The following SEMA3A variants were observed in gnomAD, a reference collection of about 807,000 sequenced individuals.
The protein encoded by SEMA3A is semaphorin 3A.
Under a neutral mutation model 97.9 loss-of-function variants are expected in SEMA3A, and 29 were observed. The observed-to-expected ratio is 0.30, with a 90% confidence interval of 0.22 to 0.40. SEMA3A has a LOEUF of 0.40. Among genes scored for constraint, SEMA3A ranks in the 10% least tolerant of loss-of-function variants. SEMA3A has a pLI of 1.00. For synonymous variants in SEMA3A, 321 were observed against 323.7 expected, an observed-to-expected ratio of 0.99 and a Z score of 0.09; for missense variants, 763 against 951.3, an observed-to-expected ratio of 0.80 and a Z score of 2.60.
chr7:84,167,646 T>C (rs1797254292), intron 1 of SEMA3A, among the ~76,000 whole-genome samples: 1 of 152,126 alleles, frequency 6.6e-6, no homozygotes, highest in African/African-American at 2.4e-5. Context: ...TGGTAAGTGG[T>C]GTTAATAAAA....
intron 6 of SEMA3A, among the ~76,000 whole-genome samples, chr7:84,026,645 T>G (rs1400388712): frequency 6.6e-6 from 1 of 152,174 alleles, no homozygotes; most frequent in Non-Finnish European, 1.5e-5. Flanking sequence ...TTAGTGCATG[T>G]ACACCATGGA....
chr7:84,412,404 T>C (rs796192597), intron 1 of SEMA3A, among the ~76,000 whole-genome samples: 4 of 152,314 alleles, frequency 2.6e-5, no homozygotes, highest in African/African-American at 9.6e-5. Context: ...TGGAATTTGA[T>C]ACTTAGTCAC....
chr7:83,973,145 G>A (rs764989299), intron 15 of SEMA3A, among the ~76,000 whole-genome samples: 1 of 152,110 alleles, frequency 6.6e-6, no homozygotes, highest in African/African-American at 2.4e-5. Context: ...GTCTCTGTCC[G>A]AAATTTGGGT....
At chr7:84,323,715 T>C (rs371401219) in intron 2 of SEMA3A, among the ~76,000 whole-genome samples, 10 of 152,182 alleles carry the variant, frequency 6.6e-5, no homozygotes, top group African/African-American at 2.2e-4. Context: ...ATAAATCATA[T>C]GGACAGATGT....
chr7:84,045,973 A>AG (rs896986627), intron 6 of SEMA3A, among the ~76,000 whole-genome samples: 9 of 151,032 alleles, frequency 6.0e-5, no homozygotes, highest in African/African-American at 1.9e-4. Flanking sequence ...ATGTAAAGGA[A>AG]AAAAAAAAAC....
intron 1 of SEMA3A, among the ~76,000 whole-genome samples, chr7:84,452,443 C>T: frequency 6.6e-6 from 1 of 152,080 alleles, no homozygotes; most frequent in East Asian, 1.9e-4. Flanking sequence ...GTATCATACA[C>T]TTTGTGAGTA....
chr7:84,107,828 A>C (rs3801637), intron 4 of SEMA3A, among the ~76,000 whole-genome samples: 63,996 of 151,980 alleles, frequency 0.42, 14,733 homozygotes, highest in Admixed American at 0.52. Flanking sequence ...TTTTAATTTA[A>C]ATGACCATCA....
chr7:84,410,146 C>G lies in SEMA3A; in HGVS notation c.-245-38246G>C, dbSNP rs77317597. On this transcript the variant is annotated intron_variant, in intron 1 of 3. Transcript: ENST00000424555. ...GTATAAGAATCAACAAAAGTAAACT[C>G]ATTGTTTCATCTTATGTTATGTAAC... is the stretch of plus-strand genomic sequence containing the variant. Among the ~76,000 whole-genome samples the G allele has an allele frequency of 2.5e-3, 374 of 152,070 alleles. 1 individual carries two copies. The highest frequency in any genetic ancestry group is 8.6e-3 in the African/African-American group (358 of 41,512).
At chr7:84,026,523 G>A (rs1791549713) in intron 6 of SEMA3A, among the ~76,000 whole-genome samples, 2 of 152,108 alleles carry the variant, frequency 1.3e-5, no homozygotes, top group South Asian at 4.1e-4. Flanking sequence ...ATAAATCATT[G>A]TACCATAAAG....
intron 2 of SEMA3A, among the ~76,000 whole-genome samples, chr7:84,320,622 A>C (rs1268492177): frequency 6.6e-6 from 1 of 150,644 alleles, no homozygotes; most frequent in African/African-American, 2.4e-5. Flanking sequence ...TTTTGTTCAC[A>C]GAAGGGAAGT....
At chr7:84,432,634 C>T (rs1228942) in intron 1 of SEMA3A, among the ~76,000 whole-genome samples, 27,033 of 152,016 alleles carry the variant, frequency 0.18, 2,546 homozygotes, top group Middle Eastern at 0.23. Flanking sequence ...CCAGAACATA[C>T]GGTATTTTGT....
intron 3 of SEMA3A, among the ~76,000 whole-genome samples, chr7:84,295,411 AT>A (rs1454650744): frequency 2.0e-5 from 3 of 151,898 alleles, no homozygotes; most frequent in African/African-American, 2.4e-5. Flanking sequence ...TTGGGGCAAA[AT>A]TTTTCAAAAG....
intron 2 of SEMA3A, among the ~76,000 whole-genome samples, chr7:84,312,710 T>A (rs1801356910): frequency 6.7e-6 from 1 of 149,626 alleles, no homozygotes; most frequent in African/African-American, 2.4e-5. Flanking sequence ...GGAGAATCCT[T>A]ATTAGTTGAT....
At chr7:84,477,818 C>T (rs181390829) in intron 1 of SEMA3A, among the ~76,000 whole-genome samples, 59 of 152,266 alleles carry the variant, frequency 3.9e-4, no homozygotes, top group African/African-American at 1.2e-3. Context: ...AATAAACATA[C>T]GACCTGCATG....
At chr7:84,312,348 GA>G (rs1174599295) in intron 2 of SEMA3A, among the ~76,000 whole-genome samples, 2 of 151,664 alleles carry the variant, frequency 1.3e-5, no homozygotes, top group African/African-American at 4.8e-5. Flanking sequence ...AATTTCTTGG[GA>G]CAGTTTTGGT....
chr7:84,362,558 T>C (rs608459), intron 2 of SEMA3A, among the ~76,000 whole-genome samples: 43,603 of 151,848 alleles, frequency 0.29, 6,750 homozygotes, highest in African/African-American at 0.38. Context: ...ATTATTGTAC[T>C]TTGTAATCTT....
At chr7:84,176,275 T>C (rs1037314668) in intron 1 of SEMA3A, among the ~76,000 whole-genome samples, 1 of 152,106 alleles carries the variant, frequency 6.6e-6, no homozygotes, top group Non-Finnish European at 1.5e-5. Context: ...TTAGTATAAA[T>C]AGTAAGAACT....
chr7:84,232,050 G>A, intron 3 of SEMA3A, among the ~76,000 whole-genome samples: 1 of 151,244 alleles, frequency 6.6e-6, no homozygotes, highest in Middle Eastern at 3.4e-3. Flanking sequence ...GCATGTGTGT[G>A]TGTTCATATA....
intron 1 of SEMA3A, among the ~76,000 whole-genome samples, chr7:84,457,909 C>A (rs957763673): frequency 2.0e-5 from 3 of 151,858 alleles, no homozygotes; most frequent in African/African-American, 7.2e-5. Flanking sequence ...AATTAACAAA[C>A]AGATAGATAA....
Sources: gnomAD v4.1 joint callset for allele counts (sites outside exome capture counted in the v4.1 genomes callset) on GRCh38, gnomAD v4.1.1 for gene constraint, MANE v1.5 for transcripts, NCBI Gene and HGNC (gene_info 2026-07-23, HGNC 2026-07-21) for gene names.